The following DCDC2C variants were observed in gnomAD, a reference collection of about 807,000 sequenced individuals.
DCDC2C encodes doublecortin domain containing 2C.
DCDC2C carries 44 observed loss-of-function variants against 45.0 expected under a neutral mutation model. The observed-to-expected ratio is 0.98, with a 90% CI of 0.77 to 1.26. The LOEUF is 1.26. Among genes scored for constraint, DCDC2C ranks in the 50% most tolerant of loss-of-function variants. The pLI is 0.00. For synonymous variants in DCDC2C, 187 were observed against 178.8 expected, an observed-to-expected ratio of 1.05 and a Z score of -0.37; for missense variants, 447 against 468.9, an observed-to-expected ratio of 0.95 and a Z score of 0.43.
intron 10 of DCDC2C, among the ~76,000 whole-genome samples, chr2:3,833,561 C>A (rs1011149): frequency 6.6e-6 from 1 of 152,142 alleles, no homozygotes; most frequent in African/African-American, 2.4e-5. Flanking sequence ...ATTGGCTCAC[C>A]TTTTAAGCCT....
chr2:3,770,738 A>C (rs1465342064), intron 8 of DCDC2C, among the ~76,000 whole-genome samples: 1 of 152,244 alleles, frequency 6.6e-6, no homozygotes, highest in Non-Finnish European at 1.5e-5. Context: ...TTTTCAACAC[A>C]GGCAGAATCC....
At chr2:3,802,149 T>C (rs1671130254) in intron 10 of DCDC2C, among the ~76,000 whole-genome samples, 1 of 152,256 alleles carries the variant, frequency 6.6e-6, no homozygotes, top group African/African-American at 2.4e-5. Flanking sequence ...AAGCCCTTGA[T>C]GCTGTTCAAG....
intron 10 of DCDC2C, among the ~76,000 whole-genome samples, chr2:3,837,274 G>C (rs945974849): frequency 6.6e-6 from 1 of 152,218 alleles, no homozygotes; most frequent in Non-Finnish European, 1.5e-5. Context: ...CAATCGAGTT[G>C]AATTTTGCTG....
chr2:3,785,139 T>C (rs1374871068), intron 10 of DCDC2C, 39 bp downstream of exon 10: 1 of 1,226,738 alleles, frequency 8.2e-7, no homozygotes. Flanking sequence ...TTGCGTTTTC[T>C]ATTCTGAAGA....
intron 8 of DCDC2C, among the ~76,000 whole-genome samples, chr2:3,776,834 C>G (rs1440632787): frequency 2.0e-5 from 3 of 152,206 alleles, no homozygotes; most frequent in African/African-American, 4.8e-5. Context: ...TCTCCTTCCC[C>G]TGTCCTCAAA....
At chr2:3,743,110 A>G (rs575699393) in intron 4 of DCDC2C, among the ~76,000 whole-genome samples, 1 of 152,260 alleles carries the variant, frequency 6.6e-6, no homozygotes, top group African/African-American at 2.4e-5. Context: ...CTGGACTTAC[A>G]TCAGACCAAA....
At chr2:3,708,414 A>C (rs1449753422) in intron 1 of DCDC2C, 135 bp from the exon 2 acceptor site, 1 of 622,786 alleles carries the variant, frequency 1.6e-6, no homozygotes, top group Non-Finnish European at 2.7e-6. Context: ...ACACCGAGAA[A>C]ATTTTAGATC....
At chr2:3,789,923 A>G (rs17018055) in intron 10 of DCDC2C, among the ~76,000 whole-genome samples, 19,786 of 152,290 alleles carry the variant, frequency 0.13, 1,441 homozygotes, top group East Asian at 0.28. Flanking sequence ...GTTATAGAAC[A>G]GGAGTTATCT....
chr2:3,783,175 G>A (rs1358585211), intron 9 of DCDC2C, among the ~76,000 whole-genome samples: 1 of 152,206 alleles, frequency 6.6e-6, no homozygotes, highest in Non-Finnish European at 1.5e-5. Context: ...TTTTGAAAAA[G>A]CTGTATAAAA....
chr2:3,713,804 T>G (rs963921067), intron 2 of DCDC2C, among the ~76,000 whole-genome samples: 2 of 152,226 alleles, frequency 1.3e-5, no homozygotes, highest in African/African-American at 4.8e-5. Context: ...GAGATGATCT[T>G]TGTAAATCAC....
chr2:3,707,725 G>A lies in DCDC2C; in HGVS notation c.288-824G>A, dbSNP rs141765390. Among the ~76,000 whole-genome samples, 1,069 of 152,306 alleles carry A rather than the reference G, an allele frequency of 7.0e-3. 4 individuals carry two copies. Among genetic ancestry groups the A allele is most frequent in the Middle Eastern group, 0.01 (3 of 294 alleles). On this transcript the variant is annotated intron_variant, in intron 1 of 10. Transcript: ENST00000399143. ...GTCCCACCAGCCACAGCCCCCACCA[G>A]TCCCTGAGACCACCCTTGGCGAGTG...
chr2:3,719,674 C>G (rs77406602), intron 2 of DCDC2C, among the ~76,000 whole-genome samples: 2,256 of 152,278 alleles, frequency 0.015, 21 homozygotes, highest in Non-Finnish European at 0.023. Context: ...GGACACTCCC[C>G]GTGTTCTAAA....
chr2:3,728,656 A>G (rs1248124360), intron 3 of DCDC2C, among the ~76,000 whole-genome samples: 1 of 152,232 alleles, frequency 6.6e-6, no homozygotes, highest in African/African-American at 2.4e-5. Flanking sequence ...ATGTGAGTGC[A>G]GAGTCCTTCC....
At chr2:3,846,969 G>A (rs968796) in intron 10 of DCDC2C, among the ~76,000 whole-genome samples, 185 bp from the exon 11 acceptor site, 86,073 of 152,050 alleles carry the variant, frequency 0.57, 24,489 homozygotes, top group South Asian at 0.73. Flanking sequence ...GCATGTTGCC[G>A]TTGGGTGTGC....
chr2:3,741,087 A>G (rs1669192224), intron 3 of DCDC2C, among the ~76,000 whole-genome samples: 1 of 152,216 alleles, frequency 6.6e-6, no homozygotes, highest in South Asian at 2.1e-4. Flanking sequence ...TCTCATGAAC[A>G]CTACTAACTT....
intron 1 of DCDC2C, among the ~76,000 whole-genome samples, chr2:3,706,072 G>C (rs536686973): frequency 6.6e-6 from 1 of 152,292 alleles, no homozygotes; most frequent in East Asian, 1.9e-4. Context: ...GGTGAACAAA[G>C]CTCTGAAAAA....
intron 10 of DCDC2C, among the ~76,000 whole-genome samples, chr2:3,832,803 G>C (rs1337027474): frequency 6.6e-6 from 1 of 152,324 alleles, no homozygotes; most frequent in Non-Finnish European, 1.5e-5. Context: ...AATGTCTAGT[G>C]TATACCTCCC....
At chr2:3,744,382 C>T (rs114370737) in intron 4 of DCDC2C, among the ~76,000 whole-genome samples, 2,008 of 152,192 alleles carry the variant, frequency 0.013, 50 homozygotes, top group African/African-American at 0.046. Flanking sequence ...AGTGGGAAAG[C>T]GGGAGACTGG....
intron 10 of DCDC2C, among the ~76,000 whole-genome samples, chr2:3,827,329 G>A (rs1341128442): frequency 6.6e-6 from 1 of 152,054 alleles, no homozygotes; most frequent in Non-Finnish European, 1.5e-5. Context: ...GGGGGTGGGG[G>A]TCCACTTGGT....
Sources: allele counts gnomAD v4.1 joint callset (sites outside exome capture counted in the v4.1 genomes callset), GRCh38; gene constraint gnomAD v4.1.1; transcripts MANE v1.5; gene names NCBI Gene and HGNC (gene_info 2026-07-23, HGNC 2026-07-21).